Variants in SCN7A observed in about 807,000 individuals in gnomAD.
The protein encoded by SCN7A is sodium channel protein type 7 subunit alpha.
In SCN7A, 138 loss-of-function variants were observed where a neutral mutation model predicts 155.2. That is an observed-to-expected ratio of 0.89 (90% CI 0.77 to 1.02). The LOEUF (loss-of-function observed/expected upper bound fraction) is 1.02, where lower values mean the gene tolerates loss of function less well. Ranked by LOEUF, SCN7A falls within the 50% of genes least tolerant of loss-of-function variation. The probability of loss-of-function intolerance (pLI) is 0.00; values close to 1 mark genes in which losing one functional copy is unlikely to be tolerated. For synonymous variants in SCN7A, 693 were observed against 649.0 expected (o/e 1.07, Z -1.03); for missense variants, 2,058 against 1,986.6 (o/e 1.04, Z -0.68).
At position 166,441,680 on chromosome 2, in the gene SCN7A, C is replaced by T. The variant is rs527448083; in HGVS notation, c.1873G>A (p.Val625Met). 2.5e-6 allele frequency: 4 copies of T among 1,613,806 alleles called. No homozygotes were observed. The African/African-American group carries it at 4.0e-5, about 16-fold the overall frequency. The change falls in exon 15 of 26, where the codon GTG becomes ATG. Residue 625 changes from valine to methionine, a missense_variant. Transcript: ENST00000643258. ...AACAGGACCAAGTCTTTCAGGGCCA[C>T]CCATGAGTTACTAAGAGACCACATC... The part of the protein sequence containing the change: ...ILMWSLSNSW[V>M]ALKDLVLLLF...
chr2:166,465,357 G>T, intron 9 of SCN7A, 105 bp downstream of exon 9: 1 of 806,380 alleles, frequency 1.2e-6, no homozygotes, highest in East Asian at 2.7e-5. Context: ...ATGATGAAAT[G>T]AGATAATACA....
At position 166,419,492 on chromosome 2, in the gene SCN7A, C is replaced by G. The variant is rs192758590; in HGVS notation, c.3135+1698G>C. Among the ~76,000 whole-genome samples the G allele has an allele frequency of 4.3e-3, 657 of 151,648 alleles. 2 individuals carry two copies. Among genetic ancestry groups the G allele is most frequent in the African/African-American group, 0.015 (630 of 41,336 alleles). ...CTCACCTCATCTCACCTCAGCATCT[C>G]AAGTAGCTGGGACTACACTTGCACA... is the stretch of plus-strand genomic sequence containing the variant. On this transcript the variant is annotated intron_variant, in intron 20 of 25. Transcript: ENST00000643258.
chr2:166,428,537 C>G (rs962417397), intron 17 of SCN7A, among the ~76,000 whole-genome samples: 2 of 151,914 alleles, frequency 1.3e-5, no homozygotes, highest in Non-Finnish European at 2.9e-5. Flanking sequence ...ACTCTGCGCT[C>G]TGGCCAAAAG....
chr2:166,452,511 ACT>A (rs1424298744), intron 11 of SCN7A, among the ~76,000 whole-genome samples: 2 of 151,188 alleles, frequency 1.3e-5, no homozygotes, highest in African/African-American at 4.9e-5. Context: ...ATTTATTAAA[ACT>A]CTTTATATCC....
chr2:166,446,899 A>AC (rs1465845721), intron 12 of SCN7A, among the ~76,000 whole-genome samples: 6 of 152,150 alleles, frequency 3.9e-5, no homozygotes, highest in Non-Finnish European at 7.4e-5. Flanking sequence ...GGAAGGGAGA[A>AC]CATTGGGAAA....
At position 166,477,672 on chromosome 2, in the gene SCN7A, C is replaced by T. The variant is rs374664666; in HGVS notation, c.25G>A (p.Gly9Ser). The T allele has an allele frequency of 1.3e-6, 2 of 1,580,202 alleles. No homozygotes were observed. Among genetic ancestry groups the T allele is most frequent in the Non-Finnish European group, 1.7e-6 (2 of 1,167,268 alleles). Reference sequence around the variant, plus strand: ...GACTCTTTAGTGAAGGGAACAAGGCCCTTAGGTTCTGGTGAAGCCAACATT... The same window carrying T: ...GACTCTTTAGTGAAGGGAACAAGGCTCTTAGGTTCTGGTGAAGCCAACATT... MLASPEPK[G>S]LVPFTKESFE... The change falls in exon 3 of 26, where the codon GGC becomes AGC. Residue 9 changes from glycine (G) to serine (S), a missense_variant. Physicochemically the swap from Gly to Ser is moderately conservative, Grantham distance 56. Coordinates refer to ENST00000643258, the MANE Select transcript of SCN7A (RefSeq NM_002976.4).
chr2:166,476,179 C>T (rs1575062624), intron 3 of SCN7A, among the ~76,000 whole-genome samples: 1 of 151,756 alleles, frequency 6.6e-6, no homozygotes, highest in South Asian at 2.1e-4. Flanking sequence ...ATGGAGGCTA[C>T]CCGAGATACT....
In SCN7A at chr2:166,406,407, CTTT is replaced by C; in HGVS notation, c.4219_4221del (p.Lys1407del). ...TTAGACACATCATTAATTCCAGCTT[CTTT>C]TTTAACATAGGCAAAATTATACATT... On this transcript the variant is annotated inframe_deletion, in exon 26 of 26. Transcript: ENST00000643258. 1 of 1,612,964 alleles carries C rather than the reference CTTT, an allele frequency of 6.2e-7. No individual in the cohort carries two copies. Among genetic ancestry groups the C allele is most frequent in the Non-Finnish European group, 8.5e-7 (1 of 1,179,366 alleles).
intron 5 of SCN7A, among the ~76,000 whole-genome samples, 154 bp downstream of exon 5, chr2:166,473,645 G>C (rs951566330): frequency 6.6e-6 from 1 of 150,474 alleles, no homozygotes; most frequent in Non-Finnish European, 1.5e-5. Context: ...TAGATGTGAA[G>C]CACTGAAATA....
chr2:166,415,829 A>C (rs1339704099), intron 21 of SCN7A, among the ~76,000 whole-genome samples: 5 of 152,280 alleles, frequency 3.3e-5, no homozygotes, highest in African/African-American at 1.2e-4. Flanking sequence ...GCACCTTGAA[A>C]AAGAACAGAA....
chr2:166,429,719 A>G (rs1357873973), intron 16 of SCN7A, among the ~76,000 whole-genome samples: 1 of 152,030 alleles, frequency 6.6e-6, no homozygotes, highest in Non-Finnish European at 1.5e-5. Context: ...TCATTGTAAA[A>G]TTCAGTCCAG....
At chr2:166,418,429 G>C (rs1186681809) in intron 20 of SCN7A, among the ~76,000 whole-genome samples, 3 of 150,716 alleles carry the variant, frequency 2.0e-5, no homozygotes, top group African/African-American at 7.3e-5. Context: ...ACTGTGCCTG[G>C]CCTCTCTTAA....
At chr2:166,434,918 A>G (rs1300962677) in intron 15 of SCN7A, among the ~76,000 whole-genome samples, 3 of 152,106 alleles carry the variant, frequency 2.0e-5, no homozygotes, top group African/African-American at 4.8e-5. Flanking sequence ...AAAATAATTG[A>G]TTATAGAAAG....
intron 18 of SCN7A, among the ~76,000 whole-genome samples, chr2:166,427,022 A>G (rs1701638923): frequency 3.9e-5 from 6 of 152,088 alleles, no homozygotes; most frequent in Admixed American, 3.3e-4. Flanking sequence ...ATACCAATAT[A>G]CATTCTATTT....
In SCN7A at chr2:166,465,954, C is replaced by T. The variant is rs1315291377; in HGVS notation, c.698G>A (p.Cys233Tyr). 6.2e-7 allele frequency: 1 copy of T among 1,612,744 alleles called. No homozygotes were observed. Among genetic ancestry groups the T allele is most frequent in the African/African-American group, 1.3e-5 (1 of 74,902 alleles). The change falls in exon 8 of 26, where the codon TGC becomes TAC. Residue 233 changes from cysteine to tyrosine, a missense_variant. Coordinates refer to ENST00000643258, the MANE Select transcript of SCN7A (RefSeq NM_002976.4). ...AATGACACCAATAAGCTGCTTCAAGCAGTGGATCAGGACCCCTACAAGGGA... is the reference window on the plus strand; with the variant it reads ...AATGACACCAATAAGCTGCTTCAAGTAGTGGATCAGGACCCCTACAAGGGA... ...LKSLVGVLIH[C>Y]LKQLIGVIIL...
intron 25 of SCN7A, among the ~76,000 whole-genome samples, chr2:166,408,822 C>A (rs1376078566): frequency 6.6e-6 from 1 of 151,934 alleles, no homozygotes; most frequent in Non-Finnish European, 1.5e-5. Flanking sequence ...GGAACTTACA[C>A]CCTAATATGT....
intron 15 of SCN7A, among the ~76,000 whole-genome samples, chr2:166,438,507 A>G (rs1019441491): frequency 3.3e-5 from 5 of 152,210 alleles, no homozygotes; most frequent in Non-Finnish European, 7.3e-5. Context: ...CAACTCAACA[A>G]GACAGAACTA....
chr2:166,407,118 A>T (rs2105357154), intron 25 of SCN7A, among the ~76,000 whole-genome samples: 1 of 152,182 alleles, frequency 6.6e-6, no homozygotes, highest in South Asian at 2.1e-4. Context: ...ATTTAAAATA[A>T]TTATAAGACA....
intron 1 of SCN7A, among the ~76,000 whole-genome samples, chr2:166,491,568 A>G (rs946412104): frequency 1.3e-5 from 2 of 152,208 alleles, no homozygotes; most frequent in African/African-American, 2.4e-5. Flanking sequence ...ATGAAATCTT[A>G]TCTTTAACTT....
Sources: allele counts gnomAD v4.1 joint callset (sites outside exome capture counted in the v4.1 genomes callset), GRCh38; gene constraint gnomAD v4.1.1; transcripts MANE v1.5; gene names NCBI Gene and HGNC (gene_info 2026-07-23, HGNC 2026-07-21).